The following RTN3 variants were observed in gnomAD, a reference collection of about 807,000 sequenced individuals.
RTN3 encodes reticulon-3.
A neutral mutation model predicts 77.8 loss-of-function variants in RTN3; 49 were observed. That is an observed-to-expected ratio of 0.63 (90% CI 0.50 to 0.80). The LOEUF is 0.80. RTN3 is among the 30% of genes least tolerant of loss of function. The probability of loss-of-function intolerance (pLI) is 0.00; values close to 1 mark genes in which losing one functional copy is unlikely to be tolerated. For synonymous variants in RTN3, 464 were observed against 446.9 expected (o/e 1.04, Z -0.48); for missense variants, 1,236 against 1,211.9 (o/e 1.02, Z -0.29).
At chr11:63,742,861 A>G (rs1442617474) in intron 3 of RTN3, among the ~76,000 whole-genome samples, 1 of 151,676 alleles carries the variant, frequency 6.6e-6, no homozygotes, top group Non-Finnish European at 1.5e-5. Context: ...AAGTTTATAT[A>G]TATATATTTT....
intron 3 of RTN3, chr11:63,746,825 T>G: frequency 1.1e-5 from 4 of 375,186 alleles, no homozygotes; most frequent in South Asian, 7.8e-5. Context: ...TTAAGGAAAT[T>G]TAACAGTAAT....
At chr11:63,689,381 G>C (rs1341744397) in intron 1 of RTN3, among the ~76,000 whole-genome samples, 2 of 152,188 alleles carry the variant, frequency 1.3e-5, no homozygotes, top group African/African-American at 4.8e-5. Context: ...GTATGGTGTT[G>C]ATGTTTTGAA....
intron 1 of RTN3, among the ~76,000 whole-genome samples, chr11:63,684,947 A>G (rs1941287128): frequency 6.6e-6 from 1 of 151,072 alleles, no homozygotes; most frequent in African/African-American, 2.4e-5. Context: ...TTTACTAGAT[A>G]TGGGGTTTTG....
intron 1 of RTN3, among the ~76,000 whole-genome samples, chr11:63,702,565 C>T (rs1224696004): frequency 2.6e-5 from 4 of 152,042 alleles, no homozygotes; most frequent in Non-Finnish European, 5.9e-5. Flanking sequence ...CCATCTGCCT[C>T]CACCTCCCAA....
At chr11:63,723,591 T>A (rs985038779) in intron 3 of RTN3, among the ~76,000 whole-genome samples, 2 of 151,874 alleles carry the variant, frequency 1.3e-5, no homozygotes, top group Non-Finnish European at 2.9e-5. Flanking sequence ...GCCCAGCTAA[T>A]TTTTTGTATT....
intron 4 of RTN3, among the ~76,000 whole-genome samples, chr11:63,752,000 A>C (rs2014130969): frequency 6.6e-6 from 1 of 152,094 alleles, no homozygotes; most frequent in African/African-American, 2.4e-5. Flanking sequence ...TCATAAAAAA[A>C]CTGCTAAAAA....
chr11:63,727,158 A>C (rs537187215), intron 3 of RTN3, among the ~76,000 whole-genome samples: 1 of 152,370 alleles, frequency 6.6e-6, no homozygotes, highest in East Asian at 1.9e-4. Context: ...TTGAAAAAAA[A>C]AGTTTGCAGT....
rs751513994 is a variant in RTN3, at chr11:63,720,951, A to T, written c.2449A>T (p.Arg817Trp). Reference sequence around the variant, plus strand: ...GCCCATCACTATCAGAGAAACTACTAGGGTAGATGCTGTTTCCAGCCTTAG... The same window carrying T: ...GCCCATCACTATCAGAGAAACTACTTGGGTAGATGCTGTTTCCAGCCTTAG... Reference protein sequence around the residue: ...QKPITIRETTRVDAVSSLSKT... With the variant: ...QKPITIRETTWVDAVSSLSKT... Residue 817 changes from arginine to tryptophan, a missense_variant, in exon 3 of 9, where the codon AGG (arginine) becomes TGG (tryptophan). By Grantham distance (101) the Arg-to-Trp change is moderately radical (BLOSUM62 -3). This residue lies in a region of RTN3 where 1,056 missense variants were observed against 990.4 expected (regional missense o/e 1.07). Coordinates refer to ENST00000377819, the MANE Select transcript of RTN3 (RefSeq NM_001265589.2). 15 of 1,613,966 alleles carry T rather than the reference A, an allele frequency of 9.3e-6. No individual in the cohort carries two copies. Among genetic ancestry groups the T allele is most frequent in the Non-Finnish European group, 1.1e-5 (13 of 1,179,986 alleles).
intron 3 of RTN3, 80 bp from the exon 4 acceptor site, chr11:63,749,911 T>C (rs751366944): frequency 9.9e-7 from 1 of 1,009,656 alleles, no homozygotes; most frequent in Non-Finnish European, 1.5e-6. Flanking sequence ...ATTTGTGTGC[T>C]AATGTGAGGC....
chr11:63,717,739 C>T (rs534291446), intron 2 of RTN3, among the ~76,000 whole-genome samples: 2 of 152,076 alleles, frequency 1.3e-5, no homozygotes, highest in South Asian at 2.1e-4. Context: ...AGGGGCCAGG[C>T]GTAGCGGCTC....
intron 2 of RTN3, among the ~76,000 whole-genome samples, chr11:63,717,679 T>C (rs2134811274): frequency 1.3e-5 from 2 of 152,108 alleles, no homozygotes; most frequent in South Asian, 4.2e-4. Context: ...GAAATCAATT[T>C]GCACAGTACA....
Position 63,724,508 on chromosome 11 carries a change from T to A in RTN3, c.2530+3476T>A, listed in dbSNP as rs867520136. On this transcript the variant is annotated intron_variant, in intron 3 of 8. Transcript: ENST00000377819. ...CCTTTTTTTTTTTTTTTTTTTTTTT[T>A]AAAGACAGAGTCTCACCGTGTTGCC... Among the ~76,000 whole-genome samples, 277 of 123,482 alleles carry A rather than the reference T, an allele frequency of 2.2e-3. 1 individual carries two copies. Among genetic ancestry groups the A allele is most frequent in the African/African-American group, 9.3e-3 (267 of 28,814 alleles). 81.0% of individuals were successfully genotyped at this position (123,482 alleles called of 152,430 possible). A position where few individuals can be genotyped will look rare whatever the true frequency, so the allele number is the denominator to read the frequency against.
chr11:63,734,663 C>T (rs570557429), intron 3 of RTN3, among the ~76,000 whole-genome samples: 25 of 151,162 alleles, frequency 1.7e-4, no homozygotes, highest in African/African-American at 5.3e-4. Context: ...ACCCAGGAGG[C>T]GGAGGTTGCA....
At chr11:63,721,599 T>A (rs1182765637) in intron 3 of RTN3, among the ~76,000 whole-genome samples, 1 of 151,834 alleles carries the variant, frequency 6.6e-6, no homozygotes, top group Non-Finnish European at 1.5e-5. Flanking sequence ...AAAGAAAATT[T>A]TTTTTCTATG....
At position 63,704,151 on chromosome 11, in the gene RTN3, C is replaced by T. The variant is rs566003458; in HGVS notation, c.143-700C>T. Among the ~76,000 whole-genome samples, 44 of 151,778 alleles carry T rather than the reference C, an allele frequency of 2.9e-4. 1 individual carries two copies. The South Asian group carries it at 9.0e-3, about 31-fold the overall frequency. The stretch of plus-strand genomic sequence containing the variant: ...TTGAGTAGCTGGGATTACAGGCGTG[C>T]ACTGCCACGCCTGGCTAATTTTTGT... On this transcript the variant is annotated intron_variant, in intron 1 of 8. Coordinates refer to ENST00000377819, the MANE Select transcript of RTN3 (RefSeq NM_001265589.2).
chr11:63,733,266 C>T (rs1185996354), intron 3 of RTN3, among the ~76,000 whole-genome samples: 1 of 152,014 alleles, frequency 6.6e-6, no homozygotes, highest in Non-Finnish European at 1.5e-5. Flanking sequence ...GAGGCAGGCA[C>T]ATCATGAGGT....
chr11:63,744,456 T>A (rs1176834327), intron 3 of RTN3, among the ~76,000 whole-genome samples: 2 of 152,090 alleles, frequency 1.3e-5, no homozygotes, highest in East Asian at 3.9e-4. Flanking sequence ...CAATATGGTA[T>A]CATCTATCGC....
intron 3 of RTN3, among the ~76,000 whole-genome samples, chr11:63,733,346 G>A (rs962540118): frequency 6.6e-5 from 10 of 151,994 alleles, no homozygotes; most frequent in Admixed American, 4.6e-4. Context: ...AAAATTACCC[G>A]GGCGTGGTGG....
intron 3 of RTN3, among the ~76,000 whole-genome samples, chr11:63,725,336 G>A (rs1271306377): frequency 1.3e-5 from 2 of 151,604 alleles, no homozygotes; most frequent in African/African-American, 4.8e-5. Context: ...CAGCTATGTA[G>A]TAATCCATTA....
Sources: gnomAD v4.1 joint callset for allele counts (sites outside exome capture counted in the v4.1 genomes callset) on GRCh38, gnomAD v4.1.1 for gene constraint, gnomAD v4.1.1 regional missense constraint, MANE v1.5 for transcripts, NCBI Gene and HGNC (gene_info 2026-07-23, HGNC 2026-07-21) for gene names.